Variants in FARS2 observed in about 807,000 individuals in gnomAD.
FARS2 encodes the protein phenylalanine--tRNA ligase, mitochondrial.
FARS2 carries 40 observed loss-of-function variants against 46.4 expected under a neutral mutation model. The observed-to-expected ratio is 0.86, with a 90% CI of 0.67 to 1.12. The LOEUF (loss-of-function observed/expected upper bound fraction) is 1.12. Ranked by LOEUF, FARS2 falls within the 50% of genes most tolerant of loss-of-function variation. The pLI, the probability that FARS2 is intolerant of heterozygous loss-of-function variation, is 0.00. For missense variants in FARS2, 513 were observed against 567.9 expected (o/e 0.90, Z 0.98); for synonymous variants, 234 against 214.9 (o/e 1.09, Z -0.78).
intron 4 of FARS2, among the ~76,000 whole-genome samples, chr6:5,443,384 A>G (rs1246200340): frequency 2.0e-5 from 3 of 152,190 alleles, no homozygotes; most frequent in African/African-American, 7.2e-5. Flanking sequence ...GTATCTGTGC[A>G]CTTGGTTCCC....
At chr6:5,714,797 G>T (rs1475637361) in intron 6 of FARS2, among the ~76,000 whole-genome samples, 1 of 152,058 alleles carries the variant, frequency 6.6e-6, no homozygotes, top group Admixed American at 6.6e-5. Context: ...GGCCGAGGTG[G>T]GTGGATAACC....
At chr6:5,315,704 G>A (rs547336903) in intron 1 of FARS2, among the ~76,000 whole-genome samples, 167 of 53,638 alleles carry the variant, frequency 3.1e-3, no homozygotes, top group African/African-American at 9.1e-3. Context: ...TTTCTAAAGC[G>A]TATATTGATT....
At chr6:5,717,875 T>TA (rs1759600316) in intron 6 of FARS2, among the ~76,000 whole-genome samples, 1 of 144,214 alleles carries the variant, frequency 6.9e-6, no homozygotes, top group African/African-American at 2.6e-5. Flanking sequence ...AGTTCCCTCA[T>TA]ATTGCAAAGG....
chr6:5,277,765 A>G (rs1384096830), intron 1 of FARS2, among the ~76,000 whole-genome samples: 1 of 152,220 alleles, frequency 6.6e-6, no homozygotes, highest in South Asian at 2.1e-4. Context: ...GATTGATAAT[A>G]TGCAAGAACA....
chr6:5,475,569 C>A (rs1766073271), intron 4 of FARS2, among the ~76,000 whole-genome samples: 1 of 152,194 alleles, frequency 6.6e-6, no homozygotes, highest in Non-Finnish European at 1.5e-5. Context: ...CAGGTAGAAT[C>A]TCGGCTCTAG....
intron 6 of FARS2, among the ~76,000 whole-genome samples, chr6:5,708,621 C>A (rs2150897394): frequency 6.6e-6 from 1 of 152,270 alleles, no homozygotes; most frequent in African/African-American, 2.4e-5. Flanking sequence ...GAGCTCATGA[C>A]AATCCCCCCA....
At chr6:5,412,829 C>A in intron 3 of FARS2, among the ~76,000 whole-genome samples, 1 of 152,200 alleles carries the variant, frequency 6.6e-6, no homozygotes, top group Middle Eastern at 3.4e-3. Context: ...TCCTAGACAG[C>A]GAAGTAGCCA....
intron 6 of FARS2, among the ~76,000 whole-genome samples, chr6:5,706,081 G>A (rs1758737643): frequency 1.3e-5 from 2 of 152,134 alleles, no homozygotes; most frequent in African/African-American, 4.8e-5. Flanking sequence ...ATGGTTTCAG[G>A]ATGAAACTGC....
chr6:5,387,156 G>T (rs967201147), intron 2 of FARS2, among the ~76,000 whole-genome samples: 3 of 152,242 alleles, frequency 2.0e-5, no homozygotes, highest in Admixed American at 6.5e-5. Flanking sequence ...TTAAAGGAAA[G>T]AATGGAATAT....
intron 1 of FARS2, among the ~76,000 whole-genome samples, chr6:5,267,143 T>C (rs1165727832): frequency 8.4e-6 from 1 of 119,258 alleles, no homozygotes; most frequent in Non-Finnish European, 1.7e-5. Context: ...CAGTTATTTC[T>C]AGAGGTTTTT....
intron 1 of FARS2, among the ~76,000 whole-genome samples, chr6:5,356,533 A>C (rs1319482774): frequency 6.6e-6 from 1 of 152,102 alleles, no homozygotes; most frequent in African/African-American, 2.4e-5. Flanking sequence ...AGTGTCTCTA[A>C]GTGCAAGAAG....
chr6:5,453,177 A>G (rs1477075810), intron 4 of FARS2, among the ~76,000 whole-genome samples: 1 of 152,220 alleles, frequency 6.6e-6, no homozygotes, highest in Non-Finnish European at 1.5e-5. Context: ...TCGTTCTGTA[A>G]AGGATATGAG....
At chr6:5,440,998 T>C (rs1763813222) in intron 4 of FARS2, among the ~76,000 whole-genome samples, 1 of 152,112 alleles carries the variant, frequency 6.6e-6, no homozygotes, top group Non-Finnish European at 1.5e-5. Flanking sequence ...CTTGGCTCCT[T>C]GCAACCTGCA....
intron 4 of FARS2, among the ~76,000 whole-genome samples, chr6:5,459,496 A>G (rs946009627): frequency 1.3e-5 from 2 of 151,774 alleles, no homozygotes; most frequent in African/African-American, 4.8e-5. Flanking sequence ...TGGCTCAGTG[A>G]CCCAGCCACC....
At chr6:5,555,422 GTTTC>G (rs1771603164) in intron 5 of FARS2, among the ~76,000 whole-genome samples, 1 of 152,052 alleles carries the variant, frequency 6.6e-6, no homozygotes, top group Admixed American at 6.5e-5. Flanking sequence ...TTTCTTCTTC[GTTTC>G]TTTAATTCTT....
intron 6 of FARS2, among the ~76,000 whole-genome samples, chr6:5,673,444 C>T (rs1342559456): frequency 6.6e-6 from 1 of 152,146 alleles, no homozygotes; most frequent in Non-Finnish European, 1.5e-5. Flanking sequence ...CATCCTGGTG[C>T]AAGTATCTGA....
intron 4 of FARS2, among the ~76,000 whole-genome samples, chr6:5,506,144 G>C (rs1768084385): frequency 6.6e-6 from 1 of 152,152 alleles, no homozygotes; most frequent in Non-Finnish European, 1.5e-5. Flanking sequence ...TCTCTCAGCT[G>C]TCCCAGTGGA....
chr6:5,307,594 A>G (rs1768800244), intron 1 of FARS2, among the ~76,000 whole-genome samples: 1 of 152,250 alleles, frequency 6.6e-6, no homozygotes, highest in African/African-American at 2.4e-5. Context: ...ACCATATACT[A>G]CACGTAACAT....
At chr6:5,706,291 C>A (rs1415419618) in intron 6 of FARS2, among the ~76,000 whole-genome samples, 1 of 152,226 alleles carries the variant, frequency 6.6e-6, no homozygotes, top group East Asian at 1.9e-4. Context: ...TAGCCGGACA[C>A]AAACGGGTAC....
Sources: allele counts gnomAD v4.1 joint callset (sites outside exome capture counted in the v4.1 genomes callset), GRCh38; gene constraint gnomAD v4.1.1; transcripts MANE v1.5; gene names NCBI Gene and HGNC (gene_info 2026-07-23, HGNC 2026-07-21).